NEDD4: variants seen among roughly 807,000 people sequenced by gnomAD.
NEDD4 encodes the protein NEDD4 E3 ubiquitin protein ligase, also known as E3 ubiquitin-protein ligase NEDD4.
Under a neutral mutation model 144.9 loss-of-function variants are expected in NEDD4, and 99 were observed. The ratio of observed to expected loss-of-function variants is 0.68; its 90% CI spans 0.58 to 0.81. The LOEUF (loss-of-function observed/expected upper bound fraction) is 0.81, where lower values mean the gene tolerates loss of function less well. NEDD4 is among the 30% of genes least tolerant of loss of function. The probability of loss-of-function intolerance (pLI) is 0.00; values close to 1 mark genes in which losing one functional copy is unlikely to be tolerated. For missense variants in NEDD4, 985 were observed against 1,065.9 expected (o/e 0.92, Z 1.06); for synonymous variants, 318 against 350.6 (o/e 0.91, Z 1.04).
intron 5 of NEDD4, among the ~76,000 whole-genome samples, chr15:55,879,272 C>A (rs1462735330): frequency 6.6e-6 from 1 of 152,114 alleles, no homozygotes; most frequent in African/African-American, 2.4e-5. Flanking sequence ...GTCCTAATAC[C>A]AAACAATAAG....
At chr15:55,979,898 TTTATAA>T (rs1274337831) in intron 1 of NEDD4, among the ~76,000 whole-genome samples, 4 of 151,644 alleles carry the variant, frequency 2.6e-5, no homozygotes, top group African/African-American at 4.8e-5. Flanking sequence ...TTCATTAACT[TTTATAA>T]TTATAATTAT....
Position 55,829,319 on chromosome 15 carries a change from CT to C in NEDD4, c.*577del, listed in dbSNP as rs2032833387. On this transcript the variant is annotated 3_prime_UTR_variant, in exon 29 of 29. Transcript: ENST00000435532. Reference sequence around the variant, plus strand: ...GTTGGCTAGAAATATAGGTAACACACTTTCCAAAGTTTTTTCCCAAAAATCT... The same window carrying C: ...GTTGGCTAGAAATATAGGTAACACACTTCCAAAGTTTTTTCCCAAAAATCT... 6.6e-6 allele frequency: 1 copy of C among 152,310 alleles called. No homozygotes were observed. The highest frequency in any genetic ancestry group is 2.4e-5 in the African/African-American group (1 of 41,456). 9.4% of individuals were successfully genotyped at this position (152,310 alleles called of 1,614,324 possible). A position where few individuals can be genotyped will look rare whatever the true frequency, so the allele number is the denominator to read the frequency against.
intron 5 of NEDD4, among the ~76,000 whole-genome samples, chr15:55,901,165 G>A (rs879882817): frequency 6.6e-6 from 1 of 152,088 alleles, no homozygotes; most frequent in African/African-American, 2.4e-5. Context: ...GGATGATGGA[G>A]TACCTATCCC....
chr15:55,862,093 A>C (rs1189915220), intron 9 of NEDD4, among the ~76,000 whole-genome samples: 1 of 152,206 alleles, frequency 6.6e-6, no homozygotes, highest in African/African-American at 2.4e-5. Context: ...CACTCTATGA[A>C]GACTGAAGCT....
In NEDD4 at chr15:55,877,173, A is replaced by T. The variant is rs1425441178; in HGVS notation, c.292-3165T>A. On this transcript the variant is annotated intron_variant, in intron 5 of 28. Transcript: ENST00000435532. ...AACTACTCTACAGACTTGACTCAAA[A>T]TTCACCAACTGTCTGCCTAATTTTA... Among the ~76,000 whole-genome samples the T allele has an allele frequency of 1.1e-4, 16 of 152,192 alleles. 1 individual carries two copies. Among genetic ancestry groups the T allele is most frequent in the Non-Finnish European group, 5.9e-5 (4 of 68,042 alleles).
intron 5 of NEDD4, among the ~76,000 whole-genome samples, chr15:55,880,300 A>G (rs1470787606): frequency 1.3e-5 from 2 of 152,168 alleles, no homozygotes; most frequent in Non-Finnish European, 2.9e-5. Context: ...TCCAAAAAAA[A>G]AGAATAAAAA....
At chr15:55,848,943 C>A in intron 14 of NEDD4, 57 bp from the exon 15 acceptor site, 2 of 1,326,736 alleles carry the variant, frequency 1.5e-6, no homozygotes, top group South Asian at 2.4e-5. Flanking sequence ...TAATCAAAGT[C>A]AGTCTGTTAC....
chr15:55,854,994 A>G (rs1328560107), intron 12 of NEDD4, among the ~76,000 whole-genome samples: 1 of 152,168 alleles, frequency 6.6e-6, no homozygotes, highest in African/African-American at 2.4e-5. Flanking sequence ...ACTCAGCTTG[A>G]GCGGGCTCTG....
chr15:55,989,949 G>A (rs2037962398), intron 1 of NEDD4, among the ~76,000 whole-genome samples: 1 of 152,088 alleles, frequency 6.6e-6, no homozygotes, highest in African/African-American at 2.4e-5. Context: ...TGTCAGATCA[G>A]CAGCGGCATT....
chr15:55,892,370 G>A (rs1008980716), intron 5 of NEDD4, among the ~76,000 whole-genome samples: 3 of 151,446 alleles, frequency 2.0e-5, no homozygotes, highest in Admixed American at 6.6e-5. Flanking sequence ...TACTGTAAAA[G>A]GCAAAGGATT....
At chr15:55,926,037 TATAC>T (rs768136784) in intron 4 of NEDD4, among the ~76,000 whole-genome samples, 11 of 152,040 alleles carry the variant, frequency 7.2e-5, no homozygotes, top group Non-Finnish European at 1.5e-4. Context: ...GTATGTATCA[TATAC>T]ATATACAGTA....
intron 5 of NEDD4, among the ~76,000 whole-genome samples, chr15:55,913,265 G>C (rs1279661538): frequency 3.3e-5 from 5 of 151,990 alleles, no homozygotes; most frequent in Non-Finnish European, 5.9e-5. Context: ...GGAGTCATGG[G>C]AAATATTTTG....
chr15:55,920,795 A>T (rs1252971924), intron 5 of NEDD4, among the ~76,000 whole-genome samples: 1 of 152,160 alleles, frequency 6.6e-6, no homozygotes, highest in East Asian at 1.9e-4. Context: ...CAGGTCTGTT[A>T]CTCCACCAAT....
intron 1 of NEDD4, among the ~76,000 whole-genome samples, chr15:55,977,710 C>T (rs1229586506): frequency 2.0e-5 from 3 of 148,606 alleles, no homozygotes; most frequent in Non-Finnish European, 4.5e-5. Flanking sequence ...GAGGGATTCA[C>T]AAAAATGGGA....
At chr15:55,924,817 C>CAA in intron 4 of NEDD4, 118 bp from the exon 5 acceptor site, 1 of 995,410 alleles carries the variant, frequency 1.0e-6, no homozygotes, top group Non-Finnish European at 1.5e-6. Flanking sequence ...CCTGTAATCC[C>CAA]AGCACTTTGG....
chr15:55,955,659 T>C (rs1022710255), intron 2 of NEDD4, among the ~76,000 whole-genome samples: 1 of 152,158 alleles, frequency 6.6e-6, no homozygotes, highest in African/African-American at 2.4e-5. Context: ...AAAGGCTGAA[T>C]AAACACTGTA....
intron 1 of NEDD4, among the ~76,000 whole-genome samples, chr15:55,978,294 T>C (rs535787644): frequency 3.1e-4 from 47 of 152,254 alleles, no homozygotes; most frequent in Admixed American, 1.4e-3. Flanking sequence ...GAACTAGTTA[T>C]TTTAAATGCT....
At chr15:55,873,904 T>G (rs1403736535) in intron 6 of NEDD4, 54 bp downstream of exon 6, 2 of 880,002 alleles carry the variant, frequency 2.3e-6, no homozygotes, top group African/African-American at 3.4e-5. Flanking sequence ...ATGTAAGTAT[T>G]TATTAAATTA....
chr15:55,955,304 A>G (rs1342051859), intron 2 of NEDD4, among the ~76,000 whole-genome samples: 1 of 152,166 alleles, frequency 6.6e-6, no homozygotes, highest in Non-Finnish European at 1.5e-5. Context: ...ATTATAGGTT[A>G]TAGGCATCAG....
Sources: allele counts gnomAD v4.1 joint callset (sites outside exome capture counted in the v4.1 genomes callset), GRCh38; gene constraint gnomAD v4.1.1; transcripts MANE v1.5; gene names NCBI Gene and HGNC (gene_info 2026-07-23, HGNC 2026-07-21).